Variants in AHI1 observed in about 807,000 individuals in gnomAD.
The protein encoded by AHI1 is Abelson helper integration site 1.
Under a neutral mutation model 149.3 loss-of-function variants are expected in AHI1, and 123 were observed. The observed-to-expected ratio is 0.82, with a 90% CI of 0.71 to 0.96. The LOEUF is 0.96. Among genes scored for constraint, AHI1 ranks in the 40% least tolerant of loss-of-function variants. The pLI is 0.00. For synonymous variants in AHI1, 475 were observed against 459.8 expected (o/e 1.03, Z -0.42); for missense variants, 1,439 against 1,422.7 (o/e 1.01, Z -0.18).
At chr6:135,404,720 A>G (rs1423695638) in intron 22 of AHI1, among the ~76,000 whole-genome samples, 2 of 152,192 alleles carry the variant, frequency 1.3e-5, no homozygotes, top group African/African-American at 4.8e-5. Context: ...TATCTCCATC[A>G]CTTAGTATTC....
chr6:135,472,772 A>G (rs1002180387), intron 5 of AHI1, among the ~76,000 whole-genome samples: 12 of 150,574 alleles, frequency 8.0e-5, no homozygotes, highest in Non-Finnish European at 1.2e-4. Flanking sequence ...ACATGTGTCT[A>G]TTTGCTATCT....
In AHI1 at chr6:135,285,539, C is replaced by T; in HGVS notation, c.*106G>A. ...AAGAACAAGAAGTAGTGGATCCTTT[C>T]TTCCTCCTTAGTATCTGAAAATTCT... is the stretch of plus-strand genomic sequence containing the variant. On this transcript the variant is annotated 3_prime_UTR_variant, in exon 29 of 29. Transcript: ENST00000265602. The T allele has an allele frequency of 8.4e-7, 1 of 1,192,886 alleles. No individual in the cohort carries two copies. The highest frequency in any genetic ancestry group is 1.2e-6 in the Non-Finnish European group (1 of 820,762). The allele number at this position is 1,192,886 out of a possible 1,614,324, so 73.9% of individuals were successfully genotyped here.
chr6:135,437,433 G>A (rs1785577269), intron 15 of AHI1, among the ~76,000 whole-genome samples: 1 of 152,166 alleles, frequency 6.6e-6, no homozygotes. Context: ...TCAAAAAGGA[G>A]TAATAGTAGG....
chr6:135,417,492 C>A (rs1183414405), intron 20 of AHI1, among the ~76,000 whole-genome samples: 2 of 151,748 alleles, frequency 1.3e-5, no homozygotes, highest in African/African-American at 4.8e-5. Context: ...TTAAAAATGA[C>A]ATTTTTAACT....
chr6:135,425,773 T>G (rs371844636), intron 20 of AHI1, among the ~76,000 whole-genome samples: 4 of 151,806 alleles, frequency 2.6e-5, no homozygotes, highest in Non-Finnish European at 5.9e-5. Context: ...ATGGACTTCT[T>G]TGCTTACTGC....
At chr6:135,333,919 T>C (rs1259746830) in intron 24 of AHI1, among the ~76,000 whole-genome samples, 1 of 152,222 alleles carries the variant, frequency 6.6e-6, no homozygotes, top group East Asian at 1.9e-4. Context: ...ATTGAAAATA[T>C]TAATTTATTG....
chr6:135,320,342 T>G (rs1371284078), intron 25 of AHI1, among the ~76,000 whole-genome samples: 2 of 152,348 alleles, frequency 1.3e-5, no homozygotes, highest in African/African-American at 4.8e-5. Flanking sequence ...AAGATGGTCA[T>G]CATTGAGACA....
intron 7 of AHI1, among the ~76,000 whole-genome samples, chr6:135,464,338 T>G (rs1387369035): frequency 1.3e-5 from 2 of 152,156 alleles, no homozygotes; most frequent in Non-Finnish European, 2.9e-5. Flanking sequence ...TAAAAATTCA[T>G]GAGCTAACCC....
chr6:135,326,963 G>A (rs1180403168), intron 24 of AHI1, among the ~76,000 whole-genome samples: 1 of 152,102 alleles, frequency 6.6e-6, no homozygotes, highest in Non-Finnish European at 1.5e-5. Flanking sequence ...GTGTAGCTTA[G>A]CTCCTACTTT....
At chr6:135,402,346 A>G (rs989727913) in intron 22 of AHI1, among the ~76,000 whole-genome samples, 5 of 152,226 alleles carry the variant, frequency 3.3e-5, no homozygotes, top group Admixed American at 2.6e-4. Flanking sequence ...GAGAATATAT[A>G]TCCACACCAA....
At chr6:135,425,069 A>C (rs191022141) in intron 20 of AHI1, among the ~76,000 whole-genome samples, 227 of 152,094 alleles carry the variant, frequency 1.5e-3, no homozygotes, top group Non-Finnish European at 2.5e-3. Context: ...AAGATTACTT[A>C]ACTTCTTCCT....
At chr6:135,397,597 G>C (rs1779400960) in intron 22 of AHI1, among the ~76,000 whole-genome samples, 2 of 152,016 alleles carry the variant, frequency 1.3e-5, no homozygotes, top group African/African-American at 2.4e-5. Flanking sequence ...AAGCAGACAA[G>C]CAAAATATGC....
intron 23 of AHI1, among the ~76,000 whole-genome samples, chr6:135,364,221 G>A (rs1356092657): frequency 9.9e-5 from 15 of 151,716 alleles, no homozygotes; most frequent in East Asian, 2.0e-4. Context: ...CAGACGGGGC[G>A]TCCGGGCAGA....
chr6:135,348,237 G>C (rs1388820975), intron 24 of AHI1, among the ~76,000 whole-genome samples: 1 of 152,090 alleles, frequency 6.6e-6, no homozygotes, highest in Non-Finnish European at 1.5e-5. Flanking sequence ...GGAAAACCAG[G>C]GTACTAGCAG....
rs1270075351 is a variant in AHI1 at position 135,411,473 on chromosome 6, G to A, written c.2836C>T (p.Gln946Ter). ...TFPLPGIHQS[Q>*]DALCTCPKLP... ...TTTGGACAGGTACATAGGGCATCTT[G>A]ACTTTGGTGTATTCCAGGTAATGGA... Residue 946 changes from glutamine to a stop codon, truncating the protein, a stop_gained, in exon 21 of 29, where the codon CAA becomes TAA. Transcript: ENST00000265602. LOFTEE classifies it high-confidence loss of function. 1 of 1,613,206 alleles carries A rather than the reference G, an allele frequency of 6.2e-7. No homozygotes were observed. Among genetic ancestry groups the A allele is most frequent in the Admixed American group, 1.7e-5 (1 of 59,962 alleles).
intron 24 of AHI1, among the ~76,000 whole-genome samples, chr6:135,345,322 T>C (rs1354520716): frequency 6.6e-6 from 1 of 152,136 alleles, no homozygotes; most frequent in African/African-American, 2.4e-5. Flanking sequence ...CTCCTAAATA[T>C]ATACACCCAA....
At chr6:135,478,237 T>C (rs993392850) in intron 5 of AHI1, among the ~76,000 whole-genome samples, 1 of 152,168 alleles carries the variant, frequency 6.6e-6, no homozygotes, top group Non-Finnish European at 1.5e-5. Flanking sequence ...TTGGAACAGT[T>C]TGAAGGGCTC....
chr6:135,474,410 A>G (rs1792254034), intron 5 of AHI1: 1 of 152,168 alleles, frequency 6.6e-6, no homozygotes, highest in African/African-American at 2.4e-5. Flanking sequence ...GAGCAAAAGC[A>G]TTCAGTTTTG....
At position 135,431,285 on chromosome 6, in the gene AHI1, C is replaced by T. The variant is rs1413296658; in HGVS notation, c.2296G>A (p.Gly766Arg). The change falls in exon 17 of 29, where the codon GGG (glycine) becomes AGG (arginine). Residue 766 changes from glycine (G) to arginine (R), a missense_variant. Physicochemically the swap from Gly to Arg is moderately radical, Grantham distance 125. Coordinates refer to ENST00000265602, the MANE Select transcript of AHI1 (RefSeq NM_001134831.2). The part of the protein sequence containing the change: ...GHHMYSGDCT[G>R]VIVVWNTYVK... ...TAGGTATTCCAAACAACAATCACCC[C>T]TGTACAATCTCCTGAATACATATGA... 1 of 1,607,064 alleles carries T rather than the reference C, an allele frequency of 6.2e-7. No homozygotes were observed. The highest frequency in any genetic ancestry group is 8.5e-7 in the Non-Finnish European group (1 of 1,175,658).
Sources: allele counts gnomAD v4.1 joint callset (sites outside exome capture counted in the v4.1 genomes callset), GRCh38; gene constraint gnomAD v4.1.1; transcripts MANE v1.5; gene names NCBI Gene and HGNC (gene_info 2026-07-23, HGNC 2026-07-21).